The following SLC6A17 variants were observed in gnomAD, a reference collection of about 807,000 sequenced individuals.
SLC6A17 encodes solute carrier family 6 member 17, also known as sodium-dependent neutral amino acid transporter SLC6A17.
In SLC6A17, 21 loss-of-function variants were observed where a neutral mutation model predicts 64.5. The ratio of observed to expected loss-of-function variants is 0.33; its 90% CI spans 0.23 to 0.47. The LOEUF is 0.47. SLC6A17 is among the 20% of genes least tolerant of loss of function. SLC6A17 has a pLI of 1.00. For synonymous variants in SLC6A17, 372 were observed against 399.5 expected, an observed-to-expected ratio of 0.93 and a Z score of 0.82; for missense variants, 682 against 963.2, an observed-to-expected ratio of 0.71 and a Z score of 3.86.
At chr1:110,194,954 G>T in intron 9 of SLC6A17, 183 bp downstream of exon 9, 1 of 750,934 alleles carries the variant, frequency 1.3e-6, no homozygotes, top group Non-Finnish European at 2.2e-6. Flanking sequence ...GGAAGAGAAA[G>T]CTACTTGGAA....
intron 1 of SLC6A17, among the ~76,000 whole-genome samples, chr1:110,163,087 TA>T (rs1344279873): frequency 6.6e-6 from 1 of 151,886 alleles, no homozygotes; most frequent in Non-Finnish European, 1.5e-5. Context: ...AGGTACATTT[TA>T]ATAACAATAA....
chr1:110,192,528 T>C lies in SLC6A17; in HGVS notation c.1129T>C (p.Tyr377His), dbSNP rs776082700. Residue 377 changes from tyrosine to histidine, a missense_variant, in exon 8 of 12, where the codon TAC (tyrosine) becomes CAC (histidine). Physicochemically the swap from Tyr to His is moderately conservative, Grantham distance 83. Around this residue, in one of 3 missense-constraint regions of SLC6A17, gnomAD observed 415 missense variants for 603.8 expected, o/e 0.69. Coordinates refer to ENST00000331565, the MANE Select transcript of SLC6A17 (RefSeq NM_001010898.4). The surrounding 1 kb of genome is among the most constrained non-coding windows in gnomAD (Gnocchi z 4.3). ...CAGGAATGCTGAGAAAATCCTAGGG[T>C]ACCTTAACACCAACGTCCTGAGCCG... ...VVENAEKILG[Y>H]LNTNVLSRDL... 12 of 1,613,548 alleles carry C rather than the reference T, an allele frequency of 7.4e-6. No individual in the cohort carries two copies. The highest frequency in any genetic ancestry group is 1.6e-4 in the Middle Eastern group (1 of 6,070).
At chr1:110,175,104 A>G in intron 5 of SLC6A17, 144 bp downstream of exon 5, 1 of 1,093,774 alleles carries the variant, frequency 9.1e-7, no homozygotes. Flanking sequence ...TGGAAGTATC[A>G]TTCCTATAGT....
rs370200407 is a variant in SLC6A17, at chr1:110,174,872, G to A, written c.665G>A (p.Gly222Asp). Reference sequence around the variant, plus strand: ...TCTGACTCCATCTCGGAGAGTGGGGGCCTCAACTGGAAGATGACCCTGTGC... The same window carrying A: ...TCTGACTCCATCTCGGAGAGTGGGGACCTCAACTGGAAGATGACCCTGTGC... The part of the protein sequence containing the change: ...DISDSISESG[G>D]LNWKMTLCLL... Residue 222 changes from glycine to aspartate, a missense_variant, in exon 5 of 12, where the codon GGC becomes GAC. By Grantham distance (94) the Gly-to-Asp change is moderately conservative. This residue lies in a region of SLC6A17 where 415 missense variants were observed against 603.8 expected (regional missense o/e 0.69). Transcript: ENST00000331565. The A allele has an allele frequency of 2.5e-6, 4 of 1,614,080 alleles. No homozygotes were observed. The African/African-American group carries it at 5.3e-5, about 22-fold the overall frequency.
Position 110,192,664 on chromosome 1 carries a change from T to C in SLC6A17, c.1265T>C (p.Leu422Pro), listed in dbSNP as rs1176000336. The C allele has an allele frequency of 6.2e-7, 1 of 1,613,898 alleles. No individual in the cohort carries two copies. Among genetic ancestry groups the C allele is most frequent in the Non-Finnish European group, 8.5e-7 (1 of 1,179,872 alleles). The change falls in exon 8 of 12, where the codon CTT (leucine) becomes CCT (proline). Residue 422 changes from leucine (L) to proline (P), a missense_variant. By Grantham distance (98) the Leu-to-Pro change is moderately conservative. Around this residue, in one of 3 missense-constraint regions of SLC6A17, gnomAD observed 415 missense variants for 603.8 expected, o/e 0.69. Transcript: ENST00000331565. The surrounding 1 kb of genome is among the most constrained non-coding windows in gnomAD (Gnocchi z 4.3). ...GAGGACCAGTTCTCAGCCCTGGGCCTTGACCCCTGCCTTCTGGAGGACGAG... is the reference window on the plus strand; with the variant it reads ...GAGGACCAGTTCTCAGCCCTGGGCCCTGACCCCTGCCTTCTGGAGGACGAG... ...VKEDQFSALGLDPCLLEDELD... is the reference protein window; with the variant it reads ...VKEDQFSALGPDPCLLEDELD...
intron 3 of SLC6A17, 172 bp downstream of exon 3, chr1:110,172,389 A>G: frequency 2.4e-6 from 2 of 820,088 alleles, no homozygotes; most frequent in Non-Finnish European, 1.8e-6. Flanking sequence ...CCCAGTCACC[A>G]TGTTTCCTAA....
intron 6 of SLC6A17, among the ~76,000 whole-genome samples, chr1:110,191,764 ATCC>A (rs1656829342): frequency 6.6e-6 from 1 of 152,202 alleles, no homozygotes; most frequent in African/African-American, 2.4e-5. Flanking sequence ...CCTCACAGTC[ATCC>A]TCTGAAGTTG....
At chr1:110,176,892 G>T (rs1343241177) in intron 6 of SLC6A17, among the ~76,000 whole-genome samples, 153 bp downstream of exon 6, 1 of 152,234 alleles carries the variant, frequency 6.6e-6, no homozygotes, top group African/African-American at 2.4e-5. Context: ...AGGGAAGGGG[G>T]CATGGGCCCT....
At position 110,192,600 on chromosome 1, in the gene SLC6A17, G is replaced by C. The variant is rs755241572; in HGVS notation, c.1201G>C (p.Asp401His). The change falls in exon 8 of 12, where the codon GAC (aspartate) becomes CAC (histidine). Residue 401 changes from aspartate (D) to histidine (H), a missense_variant. Asp to His is a moderately conservative substitution (Grantham distance 81). Transcript: ENST00000331565. This position sits in a 1 kb window ranked among gnomAD's most constrained non-coding sequence, Gnocchi z 4.3. ...CAACTTCTCCCACCTGACCACAAAG[G>C]ACTACATGGAGATGTACAATGTCAT... is the stretch of plus-strand genomic sequence containing the variant. ...HVNFSHLTTK[D>H]YMEMYNVIMT... 3 of 1,614,168 alleles carry C rather than the reference G, an allele frequency of 1.9e-6. No individual in the cohort carries two copies. Among genetic ancestry groups the C allele is most frequent in the Non-Finnish European group, 1.7e-6 (2 of 1,180,024 alleles).
In SLC6A17 at chr1:110,200,486, TTC is replaced by T. The variant is rs1657097726; in HGVS notation, c.*2044_*2045del. 1 of 180,092 alleles carries T rather than the reference TTC, an allele frequency of 5.6e-6. No individual in the cohort carries two copies. The highest frequency in any genetic ancestry group is 1.1e-5 in the Non-Finnish European group (1 of 87,018). 11.2% of individuals were successfully genotyped at this position (180,092 alleles called of 1,614,324 possible). On this transcript the variant is annotated 3_prime_UTR_variant, in exon 12 of 12. Transcript: ENST00000331565. ...TCTACTATATATACTCTTCTATATA[TTC>T]TGTTTCTATTGTATATTCACTCTGT...
chr1:110,199,431 A>G lies in SLC6A17; in HGVS notation c.*987A>G, dbSNP rs1190126319. The G allele has an allele frequency of 1.3e-5, 2 of 152,422 alleles. No homozygotes were observed. Among genetic ancestry groups the G allele is most frequent in the Non-Finnish European group, 2.9e-5 (2 of 68,178 alleles). The allele number at this position is 152,422 out of a possible 1,614,324, so 9.4% of individuals were successfully genotyped here. A position where few individuals can be genotyped will look rare whatever the true frequency, so the allele number is the denominator to read the frequency against. On this transcript the variant is annotated 3_prime_UTR_variant, in exon 12 of 12. Coordinates refer to ENST00000331565, the MANE Select transcript of SLC6A17 (RefSeq NM_001010898.4). ...TCACCTGGGGTCCAATGTTCTGTCT[A>G]GTGGCAGCTTTTCCCCTGGAACAGG...
chr1:110,156,157 A>G (rs777404260), intron 1 of SLC6A17, among the ~76,000 whole-genome samples: 6 of 152,238 alleles, frequency 3.9e-5, no homozygotes, highest in Admixed American at 6.5e-5. Flanking sequence ...GGGACTCCAC[A>G]TAACAGCTGA....
chr1:110,164,764 CT>C (rs1364318626), intron 1 of SLC6A17, among the ~76,000 whole-genome samples: 1 of 152,200 alleles, frequency 6.6e-6, no homozygotes, highest in African/African-American at 2.4e-5. Flanking sequence ...TAAAATGATG[CT>C]TTTTTCCTCC....
At chr1:110,190,985 C>T (rs1296674405) in intron 6 of SLC6A17, among the ~76,000 whole-genome samples, 1 of 152,216 alleles carries the variant, frequency 6.6e-6, no homozygotes, top group African/African-American at 2.4e-5. Flanking sequence ...TTCCTGCACC[C>T]CCGCAAAACA....
chr1:110,192,320 C>T lies in SLC6A17; in HGVS notation c.1106+107C>T. ...CATGGGGAGAGAGGTCCCCTCCACT[C>T]AGACTGAGGAATGGAGATCAGAGGA... On this transcript the variant is annotated intron_variant, in intron 7 of 11. Coordinates refer to ENST00000331565, the MANE Select transcript of SLC6A17 (RefSeq NM_001010898.4). The surrounding 1 kb of genome is among the most constrained non-coding windows in gnomAD (Gnocchi z 4.3). 1 of 1,513,892 alleles carries T rather than the reference C, an allele frequency of 6.6e-7. No homozygotes were observed. 93.8% of individuals were successfully genotyped at this position (1,513,892 alleles called of 1,614,324 possible). A position where few individuals can be genotyped will look rare whatever the true frequency, so the allele number is the denominator to read the frequency against.
chr1:110,186,324 C>T (rs552094676), intron 6 of SLC6A17, among the ~76,000 whole-genome samples: 6 of 151,614 alleles, frequency 4.0e-5, no homozygotes, highest in Non-Finnish European at 8.8e-5. Context: ...CTTTATTGAT[C>T]CTAAACCTTT....
chr1:110,191,953 C>T lies in SLC6A17; in HGVS notation c.865-19C>T. The T allele has an allele frequency of 6.2e-7, 1 of 1,609,450 alleles. No homozygotes were observed. The highest frequency in any genetic ancestry group is 8.5e-7 in the Non-Finnish European group (1 of 1,176,660). On this transcript the variant is annotated intron_variant, in intron 6 of 11. Coordinates refer to ENST00000331565, the MANE Select transcript of SLC6A17 (RefSeq NM_001010898.4). ...CTCTGTGTCTCTTTTCTTCCTCCTG[C>T]CTTGGTCTTCTGCCATAGCTGGACA...
chr1:110,165,726 C>T (rs1215877945), intron 1 of SLC6A17, among the ~76,000 whole-genome samples: 2 of 152,216 alleles, frequency 1.3e-5, no homozygotes, highest in Non-Finnish European at 1.5e-5. Context: ...TTGCCTGTGC[C>T]ATTCAGGTGG....
intron 6 of SLC6A17, among the ~76,000 whole-genome samples, chr1:110,176,983 A>G (rs1656393352): frequency 1.3e-5 from 2 of 152,222 alleles, no homozygotes; most frequent in African/African-American, 4.8e-5. Context: ...GTAACATCTG[A>G]AAGAGCCTTA....
Sources: gnomAD v4.1 joint callset for allele counts (sites outside exome capture counted in the v4.1 genomes callset) on GRCh38, gnomAD v4.1.1 for gene constraint, gnomAD v4.1.1 regional missense constraint, Gnocchi (gnomAD v3.1) non-coding constraint, MANE v1.5 for transcripts, NCBI Gene and HGNC (gene_info 2026-07-23, HGNC 2026-07-21) for gene names.